The following P2RX4 variants were observed in gnomAD, a reference collection of about 807,000 sequenced individuals.
P2RX4 encodes the protein purinergic receptor P2X 4.
In P2RX4, 37 loss-of-function variants were observed where a neutral mutation model predicts 48.0. That is an observed-to-expected ratio of 0.77 (90% confidence interval 0.59 to 1.01). The LOEUF (loss-of-function observed/expected upper bound fraction) is 1.01. P2RX4 is among the 50% of genes least tolerant of loss of function. P2RX4 has a pLI of 0.00. For synonymous variants in P2RX4, 200 were observed against 199.7 expected, an observed-to-expected ratio of 1.00 and a Z score of -0.01; for missense variants, 501 against 521.4, an observed-to-expected ratio of 0.96 and a Z score of 0.38.
At chr12:121,215,232 T>G (rs1393416034) in intron 1 of P2RX4, 1 of 152,166 alleles carries the variant, frequency 6.6e-6, no homozygotes, top group Non-Finnish European at 1.5e-5. Context: ...AACATTGTTG[T>G]AAACATTTGA....
In P2RX4 at chr12:121,228,980, C is replaced by G; in HGVS notation, c.765C>G (p.Ile255Met). Residue 255 changes from isoleucine (I) to methionine (M), a missense_variant, in exon 8 of 12, where the codon ATC (isoleucine) becomes ATG (methionine). This residue lies in a region of P2RX4 where 197 missense variants were observed against 219.5 expected (regional missense o/e 0.90). Transcript: ENST00000337233. ...ATCCCCAGGGAGGCATCATGGGCAT[C>G]CAGGTCAACTGGGACTGCAACCTGG... ...DMAVEGGIMG[I>M]QVNWDCNLDR... 1.2e-6 allele frequency: 2 copies of G among 1,614,116 alleles called. No homozygotes were observed.
At chr12:121,215,093 C>T (rs1158365285) in intron 1 of P2RX4, 1 of 152,164 alleles carries the variant, frequency 6.6e-6, no homozygotes, top group Non-Finnish European at 1.5e-5. Flanking sequence ...TTTCCTGATT[C>T]TATAAATAAC....
intron 1 of P2RX4, among the ~76,000 whole-genome samples, chr12:121,212,035 C>T (rs1238734567): frequency 6.6e-6 from 1 of 152,238 alleles, no homozygotes; most frequent in Non-Finnish European, 1.5e-5. Flanking sequence ...AGGTGATTCT[C>T]ATGTTCAGCA....
At position 121,228,867 on chromosome 12, in the gene P2RX4, G is replaced by A. The variant is rs1298600077; in HGVS notation, c.747+1G>A. On this transcript the variant is annotated splice_donor_variant, in intron 7 of 11. Transcript: ENST00000337233. LOFTEE classifies it high-confidence loss of function. ...CAGTTTCCAGGACATGGCCGTGGAG[G>A]TGGGTGCGGGCCCTGGCTCTCCTGA... 1 of 1,614,050 alleles carries A rather than the reference G, an allele frequency of 6.2e-7. No individual in the cohort carries two copies. Among genetic ancestry groups the A allele is most frequent in the Non-Finnish European group, 8.5e-7 (1 of 1,180,040 alleles).
At chr12:121,212,306 A>C (rs957902007) in intron 1 of P2RX4, among the ~76,000 whole-genome samples, 3 of 151,944 alleles carry the variant, frequency 2.0e-5, no homozygotes, top group Non-Finnish European at 2.9e-5. Flanking sequence ...ATTTGGACTC[A>C]TTGGCTCACA....
chr12:121,233,109 C>G lies in P2RX4; in HGVS notation c.1140+17C>G. 1 of 1,544,692 alleles carries G rather than the reference C, an allele frequency of 6.5e-7. No individual in the cohort carries two copies. ...TACGAGCAGGTAGGCCCCTCCTGGC[C>G]CCCAGCAGGCACAGGCCTCTCATCT... On this transcript the variant is annotated intron_variant, in intron 11 of 11. Transcript: ENST00000337233.
intron 2 of P2RX4, 101 bp from the exon 3 acceptor site, chr12:121,221,812 G>A (rs781520313): frequency 1.7e-5 from 15 of 906,350 alleles, no homozygotes; most frequent in African/African-American, 3.3e-5. Context: ...GGGAGAGCAC[G>A]CGGTCAGTGT....
rs1442191173 is a variant in P2RX4, at chr12:121,232,429, C to G, written c.900C>G (p.Tyr300Ter). The part of the protein sequence containing the change: ...PGYNFRFAKY[Y>*]RDLAGNEQRT... ...TTCCCCTCAGGTTTGCCAAGTACTA[C>G]AGAGACCTGGCTGGCAACGAGCAGC... The change falls in exon 9 of 12, where the codon TAC (tyrosine) becomes TAG (stop). Residue 300 changes from tyrosine to a stop codon, truncating the protein, a stop_gained. Coordinates refer to ENST00000337233, the MANE Select transcript of P2RX4 (RefSeq NM_002560.3). LOFTEE classifies it high-confidence loss of function. This position sits in a 1 kb window ranked among gnomAD's most constrained non-coding sequence, Gnocchi z 4.3. The G allele has an allele frequency of 6.8e-6, 11 of 1,613,364 alleles. No homozygotes were observed. The Admixed American group carries it at 1.7e-4, about 24-fold the overall frequency.
At chr12:121,233,359 G>T in intron 11 of P2RX4, 164 bp from the exon 12 acceptor site, 1 of 703,710 alleles carries the variant, frequency 1.4e-6, no homozygotes. Context: ...AATGCCTGTG[G>T]GCACACACTA....
rs954345696 is a variant in P2RX4, at chr12:121,228,788, A to G, written c.669A>G (p.Thr223=). 1 of 1,614,150 alleles carries G rather than the reference A, an allele frequency of 6.2e-7. No homozygotes were observed. Among genetic ancestry groups the G allele is most frequent in the Non-Finnish European group, 8.5e-7 (1 of 1,180,006 alleles). ...YLKSCIYDAK[T]DPFCPIFRLG... ...AGTCGTGCATTTATGATGCTAAAAC[A>G]GATCCCTTCTGCCCCATATTCCGTC... The change falls in exon 7 of 12, where the codon ACA becomes ACG. Residue 223 remains threonine, a synonymous_variant. Coordinates refer to ENST00000337233, the MANE Select transcript of P2RX4 (RefSeq NM_002560.3).
chr12:121,232,564 C>T lies in P2RX4; in HGVS notation c.979-47C>T. Reference sequence around the variant, plus strand: ...CTCCCTGCAGGGACAAGGGGCCTCTCCCTGCCCCTGCAGAAACACTTTTTT... The same window carrying T: ...CTCCCTGCAGGGACAAGGGGCCTCTTCCTGCCCCTGCAGAAACACTTTTTT... On this transcript the variant is annotated intron_variant, in intron 9 of 11. Coordinates refer to ENST00000337233, the MANE Select transcript of P2RX4 (RefSeq NM_002560.3). The surrounding 1 kb of genome is among the most constrained non-coding windows in gnomAD (Gnocchi z 4.3). 1 of 1,604,176 alleles carries T rather than the reference C, an allele frequency of 6.2e-7. No homozygotes were observed. The highest frequency in any genetic ancestry group is 2.2e-5 in the East Asian group (1 of 44,826).
intron 8 of P2RX4, among the ~76,000 whole-genome samples, chr12:121,230,970 T>TTATATA (rs56678017): frequency 6.3e-4 from 45 of 70,952 alleles, no homozygotes; most frequent in Admixed American, 3.1e-3. Context: ...TATATAGCCA[T>TTATATA]TATATATATA....
In P2RX4 at chr12:121,221,166, T is replaced by TTGTGTGTGTGTGTGTGTGTG. The variant is rs71079040; in HGVS notation, c.283-735_283-716dup. ...TGTGTGTGCGTGTGTCTGTGTGTGTTTGTGTGTGTGTGTGTGTGTGTGTGT... is the reference window on the plus strand; with the variant it reads ...TGTGTGTGCGTGTGTCTGTGTGTGTTTGTGTGTGTGTGTGTGTGTGTGTGTGTGTGTGTGTGTGTGTGTGT... On this transcript the variant is annotated intron_variant, in intron 2 of 11. Coordinates refer to ENST00000337233, the MANE Select transcript of P2RX4 (RefSeq NM_002560.3). Among the ~76,000 whole-genome samples the TTGTGTGTGTGTGTGTGTGTG allele has an allele frequency of 1.6e-3, 157 of 100,918 alleles. 2 individuals carry two copies. The highest frequency in any genetic ancestry group is 2.3e-3 in the Non-Finnish European group (108 of 46,360). The allele number at this position is 100,918 out of a possible 152,430, so 66.2% of individuals were successfully genotyped here.
At chr12:121,210,583 C>G (rs1049471937) in intron 1 of P2RX4, among the ~76,000 whole-genome samples, 7 of 152,176 alleles carry the variant, frequency 4.6e-5, no homozygotes, top group Non-Finnish European at 8.8e-5. Context: ...AGTTCGAAAC[C>G]AATTTGGGCA....
intron 2 of P2RX4, among the ~76,000 whole-genome samples, chr12:121,217,806 T>C (rs1356081374): frequency 1.4e-5 from 2 of 146,644 alleles, no homozygotes; most frequent in African/African-American, 5.0e-5. Flanking sequence ...TTAGAGACCA[T>C]TAGAGACCAA....
chr12:121,212,825 T>TATATATATATATATA (rs1555234768), intron 1 of P2RX4: 24 of 31,134 alleles, frequency 7.7e-4, no homozygotes, highest in South Asian at 1.2e-3. Flanking sequence ...TATATATATA[T>TATATATATATATATA]TTTTTTTTTT....
intron 5 of P2RX4, among the ~76,000 whole-genome samples, chr12:121,223,997 C>T (rs1159177633): frequency 6.6e-6 from 1 of 152,226 alleles, no homozygotes; most frequent in African/African-American, 2.4e-5. Context: ...CAGCGCTGCA[C>T]TTACAGCCCC....
chr12:121,225,214 A>G (rs1180031473), intron 5 of P2RX4, among the ~76,000 whole-genome samples: 1 of 151,068 alleles, frequency 6.6e-6, no homozygotes, highest in East Asian at 2.0e-4. Flanking sequence ...CTGGGATTAT[A>G]GGCACCCCCC....
At chr12:121,214,760 T>C (rs1462535853) in intron 1 of P2RX4, 1 of 152,200 alleles carries the variant, frequency 6.6e-6, no homozygotes. Flanking sequence ...TCACACACAC[T>C]CATAAGTAAC....
Sources: gnomAD v4.1 joint callset for allele counts (sites outside exome capture counted in the v4.1 genomes callset) on GRCh38, gnomAD v4.1.1 for gene constraint, gnomAD v4.1.1 regional missense constraint, Gnocchi (gnomAD v3.1) non-coding constraint, MANE v1.5 for transcripts, NCBI Gene and HGNC (gene_info 2026-07-23, HGNC 2026-07-21) for gene names.